Variants in RYR2 observed in about 807,000 individuals in gnomAD.
RYR2 encodes cardiac muscle ryanodine receptor-calcium release channel.
A neutral mutation model predicts 601.1 loss-of-function variants in RYR2; 227 were observed. That is an observed-to-expected ratio of 0.38 (90% CI 0.34 to 0.42). RYR2 has a LOEUF of 0.42. RYR2 is among the 10% of genes least tolerant of loss of function. The pLI is 1.00. For synonymous variants in RYR2, 2,223 were observed against 2,175.1 expected (o/e 1.02, Z -0.61); for missense variants, 4,646 against 6,156.5 (o/e 0.75, Z 8.21).
At chr1:237,122,218 G>T (rs117407907) in intron 1 of RYR2, among the ~76,000 whole-genome samples, 1 of 152,248 alleles carries the variant, frequency 6.6e-6, no homozygotes, top group African/African-American at 2.4e-5. Flanking sequence ...ACCGGGATGC[G>T]CCACATCAGT....
chr1:237,673,929 G>T (rs144191219), intron 58 of RYR2, among the ~76,000 whole-genome samples, 167 bp from the exon 59 acceptor site: 2 of 152,260 alleles, frequency 1.3e-5, no homozygotes, highest in African/African-American at 4.8e-5. Context: ...TAGTTTTTCT[G>T]AATTAATTGA....
chr1:237,437,106 G>A (rs1296110174), intron 12 of RYR2, among the ~76,000 whole-genome samples: 1 of 151,326 alleles, frequency 6.6e-6, no homozygotes, highest in Non-Finnish European at 1.5e-5. Flanking sequence ...GTGCACTGGC[G>A]CAATCTCGGC....
intron 8 of RYR2, among the ~76,000 whole-genome samples, chr1:237,380,622 T>C (rs1002382086): frequency 6.6e-6 from 1 of 151,376 alleles, no homozygotes; most frequent in Non-Finnish European, 1.5e-5. Flanking sequence ...TGTCACTATT[T>C]ACTTGGGAGA....
At chr1:237,157,332 A>G (rs938744932) in intron 1 of RYR2, among the ~76,000 whole-genome samples, 1 of 150,888 alleles carries the variant, frequency 6.6e-6, no homozygotes, top group South Asian at 2.1e-4. Context: ...GAAAGAAAGA[A>G]AGAAAGAAAA....
chr1:237,262,245 G>GTTTTTTTTTTTTTT lies in RYR2; in HGVS notation c.49-8238_49-8225dup, dbSNP rs386370106. On this transcript the variant is annotated intron_variant, in intron 1 of 104. Transcript: ENST00000366574. ...AAATATTAGATCTCTGTTCTAAAGAGTTTTTTTTTTTTTTTTTTTTTTTTT... is the reference window on the plus strand; with the variant it reads ...AAATATTAGATCTCTGTTCTAAAGAGTTTTTTTTTTTTTTTTTTTTTTTTTTTTTTTTTTTTTTT... Among the ~76,000 whole-genome samples the GTTTTTTTTTTTTTT allele has an allele frequency of 3.7e-3, 225 of 61,100 alleles. 34 individuals carry two copies. The highest frequency in any genetic ancestry group is 0.017 in the East Asian group (16 of 962). The allele number at this position is 61,100 out of a possible 152,430, so 40.1% of individuals were successfully genotyped here. A position where few individuals can be genotyped will look rare whatever the true frequency, so the allele number is the denominator to read the frequency against.
At chr1:237,351,583 C>G (rs1457524239) in intron 3 of RYR2, among the ~76,000 whole-genome samples, 1 of 151,850 alleles carries the variant, frequency 6.6e-6, no homozygotes, top group East Asian at 1.9e-4. Context: ...GAAATTAAAA[C>G]ATTCTAGAAA....
At chr1:237,342,109 T>G (rs1697865058) in intron 3 of RYR2, among the ~76,000 whole-genome samples, 1 of 152,030 alleles carries the variant, frequency 6.6e-6, no homozygotes, top group African/African-American at 2.4e-5. Flanking sequence ...ATCTCTGATT[T>G]GAAGACTTAA....
At chr1:237,406,174 C>T (rs1209482294) in intron 10 of RYR2, among the ~76,000 whole-genome samples, 10 of 60,574 alleles carry the variant, frequency 1.7e-4, no homozygotes, top group Non-Finnish European at 2.4e-4. Context: ...CCTTCCCTTC[C>T]CTCCCCTCCC....
intron 10 of RYR2, among the ~76,000 whole-genome samples, chr1:237,391,417 G>GT (rs1702374832): frequency 6.6e-6 from 1 of 152,138 alleles, no homozygotes; most frequent in Non-Finnish European, 1.5e-5. Context: ...ATTCTTTCCT[G>GT]TAATTATGAT....
At chr1:237,613,028 G>T (rs1264108523) in intron 36 of RYR2, among the ~76,000 whole-genome samples, 1 of 152,114 alleles carries the variant, frequency 6.6e-6, no homozygotes, top group Non-Finnish European at 1.5e-5. Flanking sequence ...CACACCGATT[G>T]GTAGAGTTGG....
At chr1:237,721,731 G>A (rs562094675) in intron 73 of RYR2, among the ~76,000 whole-genome samples, 2 of 152,120 alleles carry the variant, frequency 1.3e-5, no homozygotes, top group Admixed American at 1.3e-4. Context: ...TGTTGGCCAG[G>A]CTGGTCTCAA....
intron 62 of RYR2, among the ~76,000 whole-genome samples, chr1:237,683,112 G>T (rs544730703): frequency 6.6e-6 from 1 of 152,216 alleles, no homozygotes; most frequent in East Asian, 1.9e-4. Flanking sequence ...AAAAATATTG[G>T]TAGGGTATAA....
intron 20 of RYR2, among the ~76,000 whole-genome samples, chr1:237,497,070 G>A (rs1664149179): frequency 6.6e-6 from 1 of 152,224 alleles, no homozygotes; most frequent in Non-Finnish European, 1.5e-5. Context: ...TCCGAAGCAT[G>A]AATGAACTGC....
chr1:237,126,164 G>A (rs942989119), intron 1 of RYR2, among the ~76,000 whole-genome samples: 19 of 151,586 alleles, frequency 1.3e-4, no homozygotes, highest in African/African-American at 4.6e-4. Context: ...TTGAACCAGG[G>A]AGGCAGAGGT....
chr1:237,144,462 T>G (rs1228871972), intron 1 of RYR2, among the ~76,000 whole-genome samples: 1 of 152,212 alleles, frequency 6.6e-6, no homozygotes, highest in Non-Finnish European at 1.5e-5. Flanking sequence ...ATAGGGACAC[T>G]ATCTTCTTTG....
In RYR2 at chr1:237,466,774, A is replaced by T. The variant is rs148998840; in HGVS notation, c.1613-2318A>T. On this transcript the variant is annotated intron_variant, in intron 16 of 104. Coordinates refer to ENST00000366574, the MANE Select transcript of RYR2 (RefSeq NM_001035.3). ...GCCTTGAGTACACTTTTGGCCATTT[A>T]CCATTGGTTGTGTTAGGTAGTATTC... 4.6e-5 allele frequency among the ~76,000 whole-genome samples: 7 copies of T among 151,982 alleles called. No individual in the cohort carries two copies. In the East Asian group the frequency reaches 1.2e-3, roughly 25 times the overall value.
At chr1:237,646,144 T>C (rs1682125900) in intron 48 of RYR2, among the ~76,000 whole-genome samples, 1 of 152,066 alleles carries the variant, frequency 6.6e-6, no homozygotes, top group Non-Finnish European at 1.5e-5. Flanking sequence ...CCCAAAGTGC[T>C]GGGATTACAG....
chr1:237,147,714 C>G (rs766058427), intron 1 of RYR2, among the ~76,000 whole-genome samples: 3 of 152,220 alleles, frequency 2.0e-5, no homozygotes, highest in Non-Finnish European at 2.9e-5. Context: ...TCATGGTATA[C>G]CTGGCACATT....
At chr1:237,617,151 G>A (rs185938654) in intron 37 of RYR2, 135 bp from the exon 38 acceptor site, 1 of 816,204 alleles carries the variant, frequency 1.2e-6, no homozygotes, top group African/African-American at 1.7e-5. Context: ...GCACATTGCT[G>A]CCTATACAAA....
Sources: gnomAD v4.1 joint callset for allele counts (sites outside exome capture counted in the v4.1 genomes callset) on GRCh38, gnomAD v4.1.1 for gene constraint, MANE v1.5 for transcripts, NCBI Gene and HGNC (gene_info 2026-07-23, HGNC 2026-07-21) for gene names.